CYB5B: variants seen among roughly 807,000 people sequenced by gnomAD.
The protein encoded by CYB5B is cytochrome b5 type B.
CYB5B carries 14 observed loss-of-function variants against 21.3 expected under a neutral mutation model. The observed-to-expected ratio is 0.66, with a 90% CI of 0.43 to 1.03. CYB5B has a LOEUF of 1.03. Ranked by LOEUF, CYB5B falls within the 50% of genes least tolerant of loss-of-function variation. The probability of loss-of-function intolerance (pLI) is 0.00; values close to 1 mark genes in which losing one functional copy is unlikely to be tolerated. For missense variants in CYB5B, 166 were observed against 185.1 expected (o/e 0.90, Z 0.60); for synonymous variants, 69 against 68.4 (o/e 1.01, Z -0.04).
At chr16:69,447,302 C>T (rs1413988336) in intron 2 of CYB5B, 24 bp downstream of exon 2, 10 of 1,608,802 alleles carry the variant, frequency 6.2e-6, no homozygotes, top group Non-Finnish European at 8.5e-6. Context: ...GAGATGGGAG[C>T]CCTTATGCAG....
chr16:69,462,342 C>G (rs958804965), intron 4 of CYB5B, 88 bp from the exon 5 acceptor site: 7 of 1,042,614 alleles, frequency 6.7e-6, no homozygotes, highest in Non-Finnish European at 8.9e-6. Flanking sequence ...AAACTCCTTG[C>G]CTATATAAAA....
chr16:69,436,889 A>G (rs1332934263), intron 1 of CYB5B, among the ~76,000 whole-genome samples: 1 of 152,100 alleles, frequency 6.6e-6, no homozygotes, highest in Non-Finnish European at 1.5e-5. Flanking sequence ...TCAGTCCCCT[A>G]TTTCCATAGA....
At position 69,424,683 on chromosome 16, in the gene CYB5B, T is replaced by C; in HGVS notation, c.-1T>C. 6.4e-7 allele frequency: 1 copy of C among 1,560,008 alleles called. No homozygotes were observed. The highest frequency in any genetic ancestry group is 1.9e-5 in the Admixed American group (1 of 52,144). ...ATCTCAGTTAGCGGTGGAGAGGCAG[T>C]ATGTCCGGTTCAATGGCGACTGCGG... On this transcript the variant is annotated 5_prime_UTR_variant, in exon 1 of 5. Coordinates refer to ENST00000307892, the MANE Select transcript of CYB5B (RefSeq NM_030579.3).
intron 3 of CYB5B, 99 bp from the exon 4 acceptor site, chr16:69,458,994 C>T (rs1032806320): frequency 4.6e-6 from 5 of 1,095,966 alleles, no homozygotes; most frequent in Non-Finnish European, 6.5e-6. Context: ...GTATCAGTTA[C>T]AGGGTTGACA....
chr16:69,456,672 C>T (rs2014986509), intron 3 of CYB5B, among the ~76,000 whole-genome samples: 2 of 151,998 alleles, frequency 1.3e-5, no homozygotes, highest in African/African-American at 2.4e-5. Flanking sequence ...TGCCTCAATA[C>T]CTGAAGGGAT....
At chr16:69,450,761 T>C (rs1055081217) in intron 3 of CYB5B, among the ~76,000 whole-genome samples, 3 of 152,354 alleles carry the variant, frequency 2.0e-5, no homozygotes, top group Non-Finnish European at 4.4e-5. Context: ...TCTGAATCTT[T>C]ATGAAGAAGT....
intron 2 of CYB5B, 74 bp from the exon 3 acceptor site, chr16:69,448,041 G>T: frequency 6.7e-7 from 1 of 1,499,842 alleles, no homozygotes. Context: ...ATGTTCCAAA[G>T]TTAGAAACAA....
intron 1 of CYB5B, among the ~76,000 whole-genome samples, chr16:69,434,421 A>C (rs752701067): frequency 6.6e-6 from 1 of 152,200 alleles, no homozygotes; most frequent in Non-Finnish European, 1.5e-5. Context: ...ACTAGGTTAT[A>C]TGTCTGTTTA....
intron 4 of CYB5B, among the ~76,000 whole-genome samples, chr16:69,461,699 A>G: frequency 6.6e-6 from 1 of 152,184 alleles, no homozygotes. Context: ...CTCTTGCAGT[A>G]CTTTTGAAGC....
intron 3 of CYB5B, among the ~76,000 whole-genome samples, chr16:69,452,677 A>AT (rs1428417295): frequency 6.7e-6 from 1 of 150,184 alleles, no homozygotes; most frequent in Non-Finnish European, 1.5e-5. Flanking sequence ...CTCAAAAAAA[A>AT]TTTTTTTTTT....
At chr16:69,454,162 G>C (rs1336178403) in intron 3 of CYB5B, among the ~76,000 whole-genome samples, 3 of 152,062 alleles carry the variant, frequency 2.0e-5, no homozygotes, top group African/African-American at 7.2e-5. Context: ...TTTTTCTTGA[G>C]TGAGGTGTTA....
chr16:69,443,528 G>A (rs374091648), intron 1 of CYB5B: 1 of 155,666 alleles, frequency 6.4e-6, no homozygotes, highest in East Asian at 1.9e-4. Flanking sequence ...TCTAATGTGA[G>A]TAGTTTGATA....
intron 1 of CYB5B, among the ~76,000 whole-genome samples, chr16:69,442,864 C>A (rs1292131065): frequency 6.8e-6 from 1 of 147,314 alleles, no homozygotes; most frequent in East Asian, 2.0e-4. Context: ...GAGTCTCTAG[C>A]TCAAACACAA....
At chr16:69,445,076 TTTA>T (rs1364558986) in intron 1 of CYB5B, among the ~76,000 whole-genome samples, 10 of 152,256 alleles carry the variant, frequency 6.6e-5, no homozygotes, top group African/African-American at 2.4e-4. Flanking sequence ...ATGAAGGAGT[TTTA>T]TTGTCCTTTT....
In CYB5B at chr16:69,462,757, C is replaced by T; in HGVS notation, c.*237C>T. ...TGTTGAACAATTGCCGGTGTTTCCT[C>T]TCTTCACTGGTTTCCATGAGTACCC... On this transcript the variant is annotated 3_prime_UTR_variant, in exon 5 of 5. Coordinates refer to ENST00000307892, the MANE Select transcript of CYB5B (RefSeq NM_030579.3). The T allele has an allele frequency of 2.1e-6, 1 of 481,452 alleles. No individual in the cohort carries two copies. 29.8% of individuals were successfully genotyped at this position (481,452 alleles called of 1,614,324 possible).
At position 69,447,262 on chromosome 16, in the gene CYB5B, T is replaced by C; in HGVS notation, c.287T>C (p.Ile96Thr). 1.2e-6 allele frequency: 2 copies of C among 1,613,908 alleles called. No individual in the cohort carries two copies. Residue 96 changes from isoleucine to threonine, a missense_variant, in exon 2 of 5, where the codon ATT becomes ACT. By Grantham distance (89) the Ile-to-Thr change is moderately conservative (BLOSUM62 -1). Transcript: ENST00000307892. ...AGAGAAATGCTAAAGCAGTACTACA[T>C]TGGTGATATCCATCCGGTAAGAACT... ...DAREMLKQYY[I>T]GDIHPSDLKP... is the part of the protein sequence containing the mutation.
At chr16:69,428,805 C>T (rs754408807) in intron 1 of CYB5B, among the ~76,000 whole-genome samples, 3 of 152,078 alleles carry the variant, frequency 2.0e-5, no homozygotes, top group African/African-American at 7.2e-5. Flanking sequence ...AAGGAGCTAG[C>T]CATGAGGGTA....
intron 1 of CYB5B, 121 bp downstream of exon 1, chr16:69,424,978 T>A: frequency 2.5e-5 from 24 of 973,158 alleles, no homozygotes; most frequent in East Asian, 3.3e-5. Flanking sequence ...AAGAAAGGGA[T>A]CACGACCCTC....
Position 69,464,744 on chromosome 16 carries a change from T to C in CYB5B, c.*2224T>C, listed in dbSNP as rs556682342. The C allele has an allele frequency of 2.0e-5, 3 of 152,790 alleles. No individual in the cohort carries two copies. The highest frequency in any genetic ancestry group is 7.2e-5 in the African/African-American group (3 of 41,588). The allele number at this position is 152,790 out of a possible 1,614,324, so 9.5% of individuals were successfully genotyped here. On this transcript the variant is annotated 3_prime_UTR_variant, in exon 5 of 5. Coordinates refer to ENST00000307892, the MANE Select transcript of CYB5B (RefSeq NM_030579.3). ...AAAAGGTATGTTTTTCTACTTCACA[T>C]TGGTTTTCTTTTCCTGTTTACATCT...
Sources: gnomAD v4.1 joint callset for allele counts (sites outside exome capture counted in the v4.1 genomes callset) on GRCh38, gnomAD v4.1.1 for gene constraint, MANE v1.5 for transcripts, NCBI Gene and HGNC (gene_info 2026-07-23, HGNC 2026-07-21) for gene names.